Variants in DYNC1H1 observed in about 807,000 individuals in gnomAD.
DYNC1H1 encodes dynein cytoplasmic 1 heavy chain 1.
Under a neutral mutation model 527.1 loss-of-function variants are expected in DYNC1H1, and 51 were observed. The observed-to-expected ratio is 0.10, with a 90% CI of 0.08 to 0.12. DYNC1H1 has a LOEUF of 0.12. Among genes scored for constraint, DYNC1H1 ranks in the 10% least tolerant of loss-of-function variants. DYNC1H1 has a pLI of 1.00. For missense variants in DYNC1H1, 2,771 were observed against 5,971.8 expected, an observed-to-expected ratio of 0.46 and a Z score of 17.66; for synonymous variants, 2,189 against 2,278.8, an observed-to-expected ratio of 0.96 and a Z score of 1.12.
chr14:101,983,493 G>T lies in DYNC1H1; in HGVS notation c.1345G>T (p.Val449Leu). 1.2e-6 allele frequency: 2 copies of T among 1,614,150 alleles called. No homozygotes were observed. Among genetic ancestry groups the T allele is most frequent in the Non-Finnish European group, 1.7e-6 (2 of 1,180,032 alleles). The part of the protein sequence containing the change: ...KRKREENLKM[V>L]WRINPAHRKL... ...AAAAAGGGAAGAAAATCTGAAGATGGTGTGGCGTATCAACCCTGCCCACAG... is the reference window on the plus strand; with the variant it reads ...AAAAAGGGAAGAAAATCTGAAGATGTTGTGGCGTATCAACCCTGCCCACAG... Residue 449 changes from valine to leucine, a missense_variant, in exon 7 of 78, where the codon GTG (valine) becomes TTG (leucine). This residue lies in a region of DYNC1H1 where 264 missense variants were observed against 619.4 expected (regional missense o/e 0.43). Transcript: ENST00000360184. This position sits in a 1 kb window ranked among gnomAD's most constrained non-coding sequence, Gnocchi z 5.3.
Position 101,979,217 on chromosome 14 carries a change from T to C in DYNC1H1, c.345-102T>C. On this transcript the variant is annotated intron_variant, in intron 2 of 77. Coordinates refer to ENST00000360184, the MANE Select transcript of DYNC1H1 (RefSeq NM_001376.5). This position sits in a 1 kb window ranked among gnomAD's most constrained non-coding sequence, Gnocchi z 4.6. ...GAAAGACAAGCAGTGCATTTCACTA[T>C]TAGAAAAGCAACACTTCAGTATATT... is the stretch of plus-strand genomic sequence containing the variant. The C allele has an allele frequency of 1.7e-6, 2 of 1,154,724 alleles. No individual in the cohort carries two copies. The highest frequency in any genetic ancestry group is 2.5e-6 in the Non-Finnish European group (2 of 793,252). The allele number at this position is 1,154,724 out of a possible 1,614,324, so 71.5% of individuals were successfully genotyped here. A position where few individuals can be genotyped will look rare whatever the true frequency, so the allele number is the denominator to read the frequency against.
intron 1 of DYNC1H1, among the ~76,000 whole-genome samples, chr14:101,968,690 T>G (rs938701863): frequency 6.6e-6 from 1 of 151,510 alleles, no homozygotes; most frequent in African/African-American, 2.4e-5. Flanking sequence ...GCCTCCTGAG[T>G]AGCTGGGATT....
intron 11 of DYNC1H1, among the ~76,000 whole-genome samples, chr14:101,993,085 C>A (rs938421341): frequency 6.6e-6 from 1 of 151,850 alleles, no homozygotes; most frequent in Non-Finnish European, 1.5e-5. Context: ...CTCGGAGTCG[C>A]GTCACACTGA....
chr14:102,012,942 T>TA lies in DYNC1H1; in HGVS notation c.7014+473dup, dbSNP rs1389004126. The TA allele has an allele frequency of 4.9e-6, 1 of 204,496 alleles. No individual in the cohort carries two copies. The highest frequency in any genetic ancestry group is 2.3e-5 in the African/African-American group (1 of 42,838). The allele number at this position is 204,496 out of a possible 1,614,324, so 12.7% of individuals were successfully genotyped here. A position where few individuals can be genotyped will look rare whatever the true frequency, so the allele number is the denominator to read the frequency against. ...CAGACCCTGTTCTAGATGCTGAAAATACAGCAGTAAGAAAGCAAGAAGACA... is the reference window on the plus strand; with the variant it reads ...CAGACCCTGTTCTAGATGCTGAAAATAACAGCAGTAAGAAAGCAAGAAGACA... On this transcript the variant is annotated intron_variant, in intron 34 of 77. Coordinates refer to ENST00000360184, the MANE Select transcript of DYNC1H1 (RefSeq NM_001376.5). This position sits in a 1 kb window ranked among gnomAD's most constrained non-coding sequence, Gnocchi z 4.9.
chr14:101,999,565 T>G (rs189966321), intron 16 of DYNC1H1, among the ~76,000 whole-genome samples: 1 of 152,336 alleles, frequency 6.6e-6, no homozygotes, highest in Admixed American at 6.5e-5. Flanking sequence ...AAGTAGAGTC[T>G]GTTTCTGGTG....
At chr14:102,024,930 GTGA>G (rs2048431980) in intron 43 of DYNC1H1, among the ~76,000 whole-genome samples, 1 of 151,604 alleles carries the variant, frequency 6.6e-6, no homozygotes, top group South Asian at 2.1e-4. Context: ...TCCTGACCTC[GTGA>G]TCAGCCCATC....
chr14:101,994,123 G>A (rs531686104), intron 11 of DYNC1H1, 61 bp from the exon 12 acceptor site: 84 of 1,611,938 alleles, frequency 5.2e-5, no homozygotes, highest in Non-Finnish European at 6.9e-5. Flanking sequence ...AGTAAAAGGT[G>A]ACACTTAGAT....
In DYNC1H1 at chr14:102,034,124, A is replaced by G; in HGVS notation, c.10562A>G (p.Asp3521Gly). 6.2e-7 allele frequency: 1 copy of G among 1,614,104 alleles called. No homozygotes were observed. The highest frequency in any genetic ancestry group is 8.5e-7 in the Non-Finnish European group (1 of 1,180,034). Residue 3521 changes from aspartate (D) to glycine (G), a missense_variant, in exon 55 of 78, where the codon GAC becomes GGC. Physicochemically the swap from Asp to Gly is moderately conservative, Grantham distance 94 (BLOSUM62 -1). Coordinates refer to ENST00000360184, the MANE Select transcript of DYNC1H1 (RefSeq NM_001376.5). Reference protein sequence around the residue: ...AAFIAYAGYFDQQMRQNLFTT... With the variant: ...AAFIAYAGYFGQQMRQNLFTT... ...TTCATTGCCTACGCGGGTTACTTTGACCAGCAGATGCGTCAGAACTTGTTC... is the reference window on the plus strand; with the variant it reads ...TTCATTGCCTACGCGGGTTACTTTGGCCAGCAGATGCGTCAGAACTTGTTC...
rs1229499549 is a variant in DYNC1H1, at chr14:102,027,403, G to T, written c.8907G>T (p.Gly2969=). The T allele has an allele frequency of 6.2e-7, 1 of 1,614,064 alleles. No homozygotes were observed. Among genetic ancestry groups the T allele is most frequent in the East Asian group, 2.2e-5 (1 of 44,888 alleles). Residue 2969 remains glycine, a synonymous_variant, in exon 46 of 78, where the codon GGG becomes GGT. Transcript: ENST00000360184. The surrounding 1 kb of genome is among the most constrained non-coding windows in gnomAD (Gnocchi z 7.7). ...YQIKVHRKYT[G]EDFDEDLRTV... ...TGTAGGTCCATAGGAAGTACACAGG[G>T]GAAGACTTTGATGAAGATCTACGGA...
rs2047656643 is a variant in DYNC1H1, at chr14:101,965,508, T to TG, written c.256+565dup. ...GGGCGGGTGTCCCAGCCCTGCCTTG[T>TG]GGGGACCCAGAGGCCGAGGCCCACA... On this transcript the variant is annotated intron_variant, in intron 1 of 77. Transcript: ENST00000360184. This position sits in a 1 kb window ranked among gnomAD's most constrained non-coding sequence, Gnocchi z 4.1. Among the ~76,000 whole-genome samples, 2 of 152,248 alleles carry TG rather than the reference T, an allele frequency of 1.3e-5. No homozygotes were observed. Among genetic ancestry groups the TG allele is most frequent in the Non-Finnish European group, 2.9e-5 (2 of 68,030 alleles).
rs34292577 is a variant in DYNC1H1, at chr14:102,009,505, CT to C, written c.5978-324del. ...CCAGTCAGTGTCGCGGCATTTATTC[CT>C]TTTTTTTTTTTTTGCACAATTTGTT... On this transcript the variant is annotated intron_variant, in intron 29 of 77. Coordinates refer to ENST00000360184, the MANE Select transcript of DYNC1H1 (RefSeq NM_001376.5). 58,209 of 255,158 alleles carry C rather than the reference CT, an allele frequency of 0.23. 3,806 individuals are homozygous for C. The highest frequency in any genetic ancestry group is 0.37 in the African/African-American group (15,494 of 41,438). 15.8% of individuals were successfully genotyped at this position (255,158 alleles called of 1,614,324 possible).
Position 101,985,803 on chromosome 14 carries a change from T to G in DYNC1H1, c.1578T>G (p.Ala526=). The G allele has an allele frequency of 1.2e-6, 2 of 1,614,204 alleles. No homozygotes were observed. The highest frequency in any genetic ancestry group is 1.7e-6 in the Non-Finnish European group (2 of 1,180,034). ...ATGCCATTGAGGAAGTAAACCTTGC[T>G]TATGAGAACGTCAAGGAAGTGGATG... ...DANAIEEVNL[A]YENVKEVDGL... The change falls in exon 8 of 78, where the codon GCT becomes GCG. Residue 526 remains alanine (A), a synonymous_variant. Coordinates refer to ENST00000360184, the MANE Select transcript of DYNC1H1 (RefSeq NM_001376.5). This position sits in a 1 kb window ranked among gnomAD's most constrained non-coding sequence, Gnocchi z 5.9.
chr14:102,013,673 G>A (rs938797799), intron 34 of DYNC1H1, among the ~76,000 whole-genome samples: 3 of 152,168 alleles, frequency 2.0e-5, no homozygotes, highest in Non-Finnish European at 4.4e-5. Context: ...GGGCAAGCTG[G>A]GATCCATGGA....
chr14:101,966,003 A>G (rs1471792220), intron 1 of DYNC1H1, among the ~76,000 whole-genome samples: 1 of 152,056 alleles, frequency 6.6e-6, no homozygotes, highest in Middle Eastern at 3.2e-3. Context: ...CATTACAACC[A>G]CTTTGGGTGT....
intron 72 of DYNC1H1, among the ~76,000 whole-genome samples, chr14:102,047,117 G>C (rs553444965): frequency 5.6e-5 from 8 of 143,224 alleles, no homozygotes; most frequent in African/African-American, 1.8e-4. Flanking sequence ...GACTGTGGGC[G>C]TGAGCCACTG....
rs767195767 is a variant in DYNC1H1, at chr14:102,048,600, G to A, written c.13303G>A (p.Val4435Ile). Reference protein sequence around the residue: ...QDVRQDLADVVQVCEGKKKQT... With the variant: ...QDVRQDLADVIQVCEGKKKQT... ...CGTTCGCCAGGACCTTGCAGATGTC[G>A]TCCAGGTGTGCGAAGGAAAGAAGAA... The change falls in exon 74 of 78, where the codon GTC becomes ATC. Residue 4435 changes from valine to isoleucine, a missense_variant. This residue lies in a region of DYNC1H1 where 170 missense variants were observed against 249.8 expected (regional missense o/e 0.68). Transcript: ENST00000360184. 15 of 1,614,060 alleles carry A rather than the reference G, an allele frequency of 9.3e-6. No homozygotes were observed. The highest frequency in any genetic ancestry group is 8.3e-5 in the Admixed American group (5 of 60,006).
In DYNC1H1 at chr14:102,030,227, G is replaced by C; in HGVS notation, c.9828G>C (p.Met3276Ile). The C allele has an allele frequency of 1.2e-6, 2 of 1,614,174 alleles. No homozygotes were observed. Among genetic ancestry groups the C allele is most frequent in the Non-Finnish European group, 1.7e-6 (2 of 1,180,038 alleles). ...AGGAGGTAATTGCAGACAAACAGAT[G>C]AGTGTCAAAGAAGATCTTGATAAGG... ...KQQEVIADKQ[M>I]SVKEDLDKVE... is the part of the protein sequence containing the mutation. The change falls in exon 51 of 78, where the codon ATG (methionine) becomes ATC (isoleucine). Residue 3276 changes from methionine to isoleucine, a missense_variant. Physicochemically the swap from Met to Ile is conservative, Grantham distance 10 (BLOSUM62 1). Coordinates refer to ENST00000360184, the MANE Select transcript of DYNC1H1 (RefSeq NM_001376.5).
chr14:102,023,264 A>G (rs2048408197), intron 43 of DYNC1H1: 1 of 333,768 alleles, frequency 3.0e-6, no homozygotes, highest in Non-Finnish European at 5.8e-6. Flanking sequence ...AGAAAACAAA[A>G]TATCAGCCGG....
intron 72 of DYNC1H1, among the ~76,000 whole-genome samples, chr14:102,046,461 G>A (rs1312544183): frequency 6.7e-6 from 1 of 149,630 alleles, no homozygotes; most frequent in Non-Finnish European, 1.5e-5. Context: ...GCCAAAGCCA[G>A]GCGAGCTGGG....
Sources: allele counts gnomAD v4.1 joint callset (sites outside exome capture counted in the v4.1 genomes callset), GRCh38; gene constraint gnomAD v4.1.1; regional missense constraint gnomAD v4.1.1; non-coding constraint Gnocchi (gnomAD v3.1); transcripts MANE v1.5; gene names NCBI Gene and HGNC (gene_info 2026-07-23, HGNC 2026-07-21).